Variants in CPA6 observed in about 807,000 individuals in gnomAD.
CPA6 encodes the protein carboxypeptidase A6.
A neutral mutation model predicts 63.3 loss-of-function variants in CPA6; 58 were observed. The observed-to-expected ratio is 0.92, with a 90% CI of 0.74 to 1.14. The LOEUF (loss-of-function observed/expected upper bound fraction) is 1.14, where lower values mean the gene tolerates loss of function less well. CPA6 is among the 50% of genes most tolerant of loss of function. The probability of loss-of-function intolerance (pLI) is 0.00; values close to 1 mark genes in which losing one functional copy is unlikely to be tolerated. For missense variants in CPA6, 565 were observed against 526.6 expected (o/e 1.07, Z -0.71); for synonymous variants, 185 against 179.0 (o/e 1.03, Z -0.27).
At chr8:67,744,221 G>T (rs1817965403) in intron 1 of CPA6, among the ~76,000 whole-genome samples, 2 of 152,124 alleles carry the variant, frequency 1.3e-5, no homozygotes, top group African/African-American at 4.8e-5. Context: ...GTATTGCAAT[G>T]GTTGAGTGAG....
intron 1 of CPA6, among the ~76,000 whole-genome samples, chr8:67,744,679 A>G (rs1169720293): frequency 6.6e-6 from 1 of 152,192 alleles, no homozygotes; most frequent in Non-Finnish European, 1.5e-5. Context: ...CCAAGCCTGC[A>G]CCATCAGTCT....
At chr8:67,624,064 T>C (rs1815142665) in intron 2 of CPA6, 112 bp downstream of exon 2, 3 of 661,800 alleles carry the variant, frequency 4.5e-6, no homozygotes, top group Non-Finnish European at 8.1e-6. Context: ...AGTTATCTCC[T>C]TAGCCTTTAC....
intron 2 of CPA6, among the ~76,000 whole-genome samples, chr8:67,563,708 T>C (rs1813269637): frequency 6.6e-6 from 1 of 152,138 alleles, no homozygotes; most frequent in African/African-American, 2.4e-5. Flanking sequence ...CTCACTCCTT[T>C]CCCCTAGGAA....
intron 8 of CPA6, among the ~76,000 whole-genome samples, chr8:67,441,735 C>T (rs1026774767): frequency 3.3e-5 from 5 of 151,892 alleles, no homozygotes; most frequent in African/African-American, 1.2e-4. Flanking sequence ...ATCCTTAGTA[C>T]ATAAATATAC....
chr8:67,633,190 G>A (rs936628172), intron 1 of CPA6, among the ~76,000 whole-genome samples: 4 of 152,012 alleles, frequency 2.6e-5, no homozygotes, highest in African/African-American at 9.7e-5. Flanking sequence ...TTTATTTTAT[G>A]CTCTTTATCC....
chr8:67,620,506 T>C (rs1815054941), intron 2 of CPA6, among the ~76,000 whole-genome samples: 1 of 152,178 alleles, frequency 6.6e-6, no homozygotes. Flanking sequence ...ACCCTCCTTC[T>C]TCCCTTCTAG....
rs948990346 is a variant in CPA6 at position 67,607,111 on chromosome 8, C to T, written c.192+17065G>A. ...CCTCTTCTTCTTCTTCTTCTTTCCTCCTCCTCCTCCTCCTCCTCCTCCTCC... is the reference window on the plus strand; with the variant it reads ...CCTCTTCTTCTTCTTCTTCTTTCCTTCTCCTCCTCCTCCTCCTCCTCCTCC... On this transcript the variant is annotated intron_variant, in intron 2 of 10. Transcript: ENST00000297770. 1.1e-4 allele frequency among the ~76,000 whole-genome samples: 8 copies of T among 76,142 alleles called. No homozygotes were observed. In the East Asian group the frequency reaches 1.2e-3, roughly 11 times the overall value. The allele number at this position is 76,142 out of a possible 152,430, so 50.0% of individuals were successfully genotyped here.
intron 8 of CPA6, among the ~76,000 whole-genome samples, chr8:67,464,459 C>T (rs1378669580): frequency 6.6e-6 from 1 of 152,112 alleles, no homozygotes; most frequent in Non-Finnish European, 1.5e-5. Flanking sequence ...TTTTCTCTCA[C>T]TTTGTAGATT....
chr8:67,631,857 G>GT (rs1413982175), intron 1 of CPA6, among the ~76,000 whole-genome samples: 2 of 152,012 alleles, frequency 1.3e-5, no homozygotes, highest in African/African-American at 4.8e-5. Flanking sequence ...CTTAAGAGCT[G>GT]TAACACTCAC....
chr8:67,491,530 T>C (rs1028727339), intron 6 of CPA6, among the ~76,000 whole-genome samples: 3 of 152,090 alleles, frequency 2.0e-5, no homozygotes, highest in Non-Finnish European at 2.9e-5. Flanking sequence ...ATTTGAAATG[T>C]TTTGTGTCAC....
At chr8:67,452,688 A>G (rs1033313200) in intron 8 of CPA6, 2 of 152,240 alleles carry the variant, frequency 1.3e-5, no homozygotes, top group Admixed American at 6.5e-5. Flanking sequence ...GAAAGCGAGA[A>G]TTCTACTGTG....
At chr8:67,678,728 C>T (rs993219312) in intron 1 of CPA6, among the ~76,000 whole-genome samples, 1 of 152,126 alleles carries the variant, frequency 6.6e-6, no homozygotes. Flanking sequence ...TAGAGCTACC[C>T]GATGACTCAG....
At chr8:67,591,161 G>GT (rs1434590471) in intron 2 of CPA6, among the ~76,000 whole-genome samples, 7 of 152,210 alleles carry the variant, frequency 4.6e-5, no homozygotes, top group South Asian at 2.1e-4. Context: ...CCCATTGCTT[G>GT]TTTTTCTCAG....
chr8:67,710,954 A>G (rs1323318907), intron 1 of CPA6, among the ~76,000 whole-genome samples: 1 of 152,240 alleles, frequency 6.6e-6, no homozygotes, highest in Non-Finnish European at 1.5e-5. Context: ...AAAAAAATAC[A>G]AAGTAATGCT....
At chr8:67,685,594 G>A (rs1042383220) in intron 1 of CPA6, among the ~76,000 whole-genome samples, 6 of 152,178 alleles carry the variant, frequency 3.9e-5, no homozygotes, top group Non-Finnish European at 1.5e-5. Context: ...GTTCCAGCCT[G>A]GGTGACAGAG....
chr8:67,609,792 C>CCAAGGCCAAGGCCA (rs1814756558), intron 2 of CPA6, among the ~76,000 whole-genome samples: 1 of 152,172 alleles, frequency 6.6e-6, no homozygotes, highest in Non-Finnish European at 1.5e-5. Context: ...GAGGCCAAGG[C>CCAAGGCCAAGGCCA]AGGTGGATCA....
chr8:67,504,957 C>A (rs1295643085), intron 6 of CPA6, among the ~76,000 whole-genome samples: 1 of 152,160 alleles, frequency 6.6e-6, no homozygotes, highest in Non-Finnish European at 1.5e-5. Flanking sequence ...GGAGCCTAAT[C>A]TCAATTGTTG....
At chr8:67,487,579 C>A (rs562992964) in intron 6 of CPA6, among the ~76,000 whole-genome samples, 2 of 152,116 alleles carry the variant, frequency 1.3e-5, no homozygotes, top group South Asian at 4.2e-4. Flanking sequence ...AGTAATGGGA[C>A]CACTGGGTCA....
intron 2 of CPA6, among the ~76,000 whole-genome samples, chr8:67,523,657 G>A (rs1466657261): frequency 6.6e-6 from 1 of 152,250 alleles, no homozygotes; most frequent in African/African-American, 2.4e-5. Flanking sequence ...GAGCACCAAT[G>A]TCATGGCTCT....
Sources: gnomAD v4.1 joint callset for allele counts (sites outside exome capture counted in the v4.1 genomes callset) on GRCh38, gnomAD v4.1.1 for gene constraint, MANE v1.5 for transcripts, NCBI Gene and HGNC (gene_info 2026-07-23, HGNC 2026-07-21) for gene names.